SNX19: variants seen among roughly 807,000 people sequenced by gnomAD.
The protein encoded by SNX19 is sorting nexin-19.
In SNX19, 60 loss-of-function variants were observed where a neutral mutation model predicts 85.2. The ratio of observed to expected loss-of-function variants is 0.70; its 90% CI spans 0.57 to 0.87. The LOEUF is 0.87. Among genes scored for constraint, SNX19 ranks in the 40% least tolerant of loss-of-function variants. The pLI is 0.00. For synonymous variants in SNX19, 520 were observed against 470.0 expected, an observed-to-expected ratio of 1.11 and a Z score of -1.38; for missense variants, 1,201 against 1,217.8, an observed-to-expected ratio of 0.99 and a Z score of 0.21.
Position 130,868,960 on chromosome 11 carries a change from T to C in SNX19, c.*9462A>G, listed in dbSNP as rs1385882549. 2 of 152,236 alleles carry C rather than the reference T, an allele frequency of 1.3e-5. No homozygotes were observed. Among genetic ancestry groups the C allele is most frequent in the Admixed American group, 6.5e-5 (1 of 15,284 alleles). 9.4% of individuals were successfully genotyped at this position (152,236 alleles called of 1,614,324 possible). ...ACGTCATTTATGGATCAGCAACTGCTTGTAGGCAAAGTCTGTTACATGCCT... is the reference window on the plus strand; with the variant it reads ...ACGTCATTTATGGATCAGCAACTGCCTGTAGGCAAAGTCTGTTACATGCCT... On this transcript the variant is annotated 3_prime_UTR_variant, in exon 11 of 11. Coordinates refer to ENST00000265909, the MANE Select transcript of SNX19 (RefSeq NM_014758.3).
chr11:130,916,007 G>A lies in SNX19; in HGVS notation c.-68C>T. 1.4e-6 allele frequency: 2 copies of A among 1,419,432 alleles called. No homozygotes were observed. Among genetic ancestry groups the A allele is most frequent in the South Asian group, 1.3e-5 (1 of 75,670 alleles). The allele number at this position is 1,419,432 out of a possible 1,614,324, so 87.9% of individuals were successfully genotyped here. ...GATTTTACTTCAGAGTTAGGGAAGG[G>A]GGGCATGAACTGTGTCTCAGATATG... On this transcript the variant is annotated 5_prime_UTR_variant, in exon 1 of 11. Transcript: ENST00000265909.
At chr11:130,912,765 G>C (rs1417400936) in intron 1 of SNX19, among the ~76,000 whole-genome samples, 1 of 152,180 alleles carries the variant, frequency 6.6e-6, no homozygotes, top group East Asian at 1.9e-4. Flanking sequence ...GTGGCATTCA[G>C]GGTGGGGCTC....
chr11:130,880,600 T>C lies in SNX19; in HGVS notation c.2758+22A>G, dbSNP rs781702510. ...TGGAAGAGAAATGTGATTGGTATAA[T>C]TGATCTCATTGGTCCAATTACCTGG... On this transcript the variant is annotated intron_variant, in intron 9 of 10. Coordinates refer to ENST00000265909, the MANE Select transcript of SNX19 (RefSeq NM_014758.3). The C allele has an allele frequency of 3.2e-6, 5 of 1,559,360 alleles. No individual in the cohort carries two copies. The East Asian group carries it at 6.8e-5, about 21-fold the overall frequency.
chr11:130,873,613 G>C lies in SNX19; in HGVS notation c.*4809C>G, dbSNP rs1258138304. ...GGGGATATATTAGATTGGTGCAAAAGTAATTGCATTAAAATGGCAAAACTC... is the reference window on the plus strand; with the variant it reads ...GGGGATATATTAGATTGGTGCAAAACTAATTGCATTAAAATGGCAAAACTC... On this transcript the variant is annotated 3_prime_UTR_variant, in exon 11 of 11. Transcript: ENST00000265909. Among the ~76,000 whole-genome samples, 1 of 152,080 alleles carries C rather than the reference G, an allele frequency of 6.6e-6. No homozygotes were observed. Among genetic ancestry groups the C allele is most frequent in the African/African-American group, 2.4e-5 (1 of 41,428 alleles).
chr11:130,891,435 T>C (rs988419479), intron 8 of SNX19, among the ~76,000 whole-genome samples: 2 of 152,172 alleles, frequency 1.3e-5, no homozygotes, highest in African/African-American at 2.4e-5. Flanking sequence ...CTATAAATCC[T>C]GGAGGAGAGA....
chr11:130,889,802 C>T (rs1479055934), intron 8 of SNX19, among the ~76,000 whole-genome samples: 1 of 152,144 alleles, frequency 6.6e-6, no homozygotes, highest in Non-Finnish European at 1.5e-5. Flanking sequence ...GTCAGAAGTT[C>T]ACCATGTGAA....
intron 8 of SNX19, among the ~76,000 whole-genome samples, chr11:130,890,318 C>G (rs991496797): frequency 2.0e-5 from 3 of 152,154 alleles, no homozygotes; most frequent in Non-Finnish European, 4.4e-5. Context: ...CTGAATGCCT[C>G]ATCACCTTTT....
chr11:130,903,716 T>TACACACACACACACACACACAC (rs35654790), intron 7 of SNX19, among the ~76,000 whole-genome samples: 1 of 143,330 alleles, frequency 7.0e-6, no homozygotes, highest in African/African-American at 2.6e-5. Context: ...TATATACACA[T>TACACACACACACACACACACAC]ACACACACAC....
chr11:130,901,640 A>G (rs1455267668), intron 8 of SNX19, among the ~76,000 whole-genome samples: 5 of 152,204 alleles, frequency 3.3e-5, no homozygotes, highest in Non-Finnish European at 7.3e-5. Flanking sequence ...AGATCATGCC[A>G]AGTAAGAAAG....
chr11:130,897,301 C>T (rs1221102511), intron 8 of SNX19, among the ~76,000 whole-genome samples: 1 of 152,094 alleles, frequency 6.6e-6, no homozygotes, highest in Non-Finnish European at 1.5e-5. Context: ...AACCTTTCCC[C>T]CTGGCTTTCT....
chr11:130,900,444 C>T (rs1426545306), intron 8 of SNX19, among the ~76,000 whole-genome samples: 3 of 152,150 alleles, frequency 2.0e-5, no homozygotes, highest in Non-Finnish European at 4.4e-5. Flanking sequence ...TTGCTTCGCT[C>T]GTATTTAACT....
At chr11:130,888,269 C>G (rs990416699) in intron 8 of SNX19, among the ~76,000 whole-genome samples, 5 of 152,100 alleles carry the variant, frequency 3.3e-5, no homozygotes, top group African/African-American at 1.2e-4. Flanking sequence ...GTTTTAACTA[C>G]TCCTCTAAGA....
chr11:130,894,927 T>G, intron 8 of SNX19: 3 of 985,462 alleles, frequency 3.0e-6, no homozygotes, highest in Non-Finnish European at 3.6e-6. Context: ...TGCACTAGGC[T>G]ATGATTTCTA....
intron 8 of SNX19, among the ~76,000 whole-genome samples, chr11:130,901,272 T>C (rs1162115314): frequency 6.6e-6 from 1 of 152,014 alleles, no homozygotes; most frequent in Non-Finnish European, 1.5e-5. Flanking sequence ...CAACCACTAG[T>C]GTAGGAAAAG....
chr11:130,894,728 G>A, intron 8 of SNX19: 1 of 985,370 alleles, frequency 1.0e-6, no homozygotes, highest in Non-Finnish European at 1.2e-6. Context: ...AAATATTCCA[G>A]GTTGCTTTTT....
At position 130,876,893 on chromosome 11, in the gene SNX19, T is replaced by A. The variant is rs1943286901; in HGVS notation, c.*1529A>T. 6.6e-6 allele frequency: 1 copy of A among 152,270 alleles called. No homozygotes were observed. The allele number at this position is 152,270 out of a possible 1,614,324, so 9.4% of individuals were successfully genotyped here. A position where few individuals can be genotyped will look rare whatever the true frequency, so the allele number is the denominator to read the frequency against. On this transcript the variant is annotated 3_prime_UTR_variant, in exon 11 of 11. Coordinates refer to ENST00000265909, the MANE Select transcript of SNX19 (RefSeq NM_014758.3). ...TCATCTCCTTGCCTTTGGGCAAGAA[T>A]TGCACACCTAAGCCTCCCGAATACA...
At chr11:130,904,979 C>T (rs1380934214) in intron 7 of SNX19, among the ~76,000 whole-genome samples, 2 of 152,144 alleles carry the variant, frequency 1.3e-5, no homozygotes, top group Admixed American at 6.5e-5. Context: ...AATTGAGGCC[C>T]TCAGAAGAGA....
Position 130,878,039 on chromosome 11 carries a change from G to T in SNX19, c.*383C>A. The T allele has an allele frequency of 6.4e-6, 1 of 157,112 alleles. No homozygotes were observed. The highest frequency in any genetic ancestry group is 6.4e-5 in the Admixed American group (1 of 15,638). 9.7% of individuals were successfully genotyped at this position (157,112 alleles called of 1,614,324 possible). A position where few individuals can be genotyped will look rare whatever the true frequency, so the allele number is the denominator to read the frequency against. On this transcript the variant is annotated 3_prime_UTR_variant, in exon 11 of 11. Coordinates refer to ENST00000265909, the MANE Select transcript of SNX19 (RefSeq NM_014758.3). ...CACAGTTTTTTTCCTGTTCTATCTA[G>T]AGCTTGTGTGCTGGTGGATTAAGCA...
Position 130,915,580 on chromosome 11 carries a change from G to T in SNX19, c.360C>A (p.Ser120=). ...CCTCAAAGGCTGGCTCCTGGCTCACGGAACGGTACCAAGATAACACAAAAT... is the reference window on the plus strand; with the variant it reads ...CCTCAAAGGCTGGCTCCTGGCTCACTGAACGGTACCAAGATAACACAAAAT... ...IRDFVLSWYR[S]VSQEPAFEEE... Residue 120 remains serine, a synonymous_variant, in exon 1 of 11, where the codon TCC becomes TCA. Transcript: ENST00000265909. 1 of 1,614,214 alleles carries T rather than the reference G, an allele frequency of 6.2e-7. No homozygotes were observed. The highest frequency in any genetic ancestry group is 8.5e-7 in the Non-Finnish European group (1 of 1,180,044).
Sources: allele counts gnomAD v4.1 joint callset (sites outside exome capture counted in the v4.1 genomes callset), GRCh38; gene constraint gnomAD v4.1.1; transcripts MANE v1.5; gene names NCBI Gene and HGNC (gene_info 2026-07-23, HGNC 2026-07-21).